LRRC61: variants seen among roughly 807,000 people sequenced by gnomAD.
The protein encoded by LRRC61 is leucine-rich repeat-containing protein 61.
A neutral mutation model predicts 15.1 loss-of-function variants in LRRC61; 9 were observed. The observed-to-expected ratio is 0.60, with a 90% CI of 0.36 to 1.04. The LOEUF (loss-of-function observed/expected upper bound fraction) is 1.04. Ranked by LOEUF, LRRC61 falls within the 50% of genes least tolerant of loss-of-function variation. The pLI is 0.01. For synonymous variants in LRRC61, 173 were observed against 158.6 expected (o/e 1.09, Z -0.68); for missense variants, 344 against 335.6 (o/e 1.03, Z -0.20).
At chr7:150,328,963 C>T (rs879400950) in intron 2 of LRRC61, among the ~76,000 whole-genome samples, 3 of 152,152 alleles carry the variant, frequency 2.0e-5, no homozygotes, top group Admixed American at 6.5e-5. Flanking sequence ...CTCACCTAAC[C>T]GTGGTGTCCC....
rs1405155626 is a variant in LRRC61 at position 150,323,473 on chromosome 7, C to T, written c.-402C>T. On this transcript the variant is annotated 5_prime_UTR_variant, in exon 1 of 3. Transcript: ENST00000359623. The stretch of plus-strand genomic sequence containing the variant: ...CGGCGGGGCTGCGGCTCTTACCTGC[C>T]GAGGAGGCGCCGGCTCTGCGGTGCG... 3 of 406,622 alleles carry T rather than the reference C, an allele frequency of 7.4e-6. No homozygotes were observed. Among genetic ancestry groups the T allele is most frequent in the Admixed American group, 5.7e-5 (2 of 34,864 alleles). The allele number at this position is 406,622 out of a possible 1,614,324, so 25.2% of individuals were successfully genotyped here. A position where few individuals can be genotyped will look rare whatever the true frequency, so the allele number is the denominator to read the frequency against.
rs374782170 is a variant in LRRC61, at chr7:150,337,250, G to A, written c.389G>A (p.Arg130Gln). The A allele has an allele frequency of 2.9e-5, 47 of 1,603,842 alleles. No individual in the cohort carries two copies. The highest frequency in any genetic ancestry group is 5.3e-5 in the African/African-American group (4 of 75,032). Residue 130 changes from arginine (R) to glutamine (Q), a missense_variant, in exon 3 of 3, where the codon CGA (arginine) becomes CAA (glutamine). Transcript: ENST00000359623. ...GLPCLEYLRL[R>Q]DPLARLSNPL... ...CCGTGCCTGGAGTACCTGCGGCTCC[G>A]AGACCCTTTGGCCCGGCTCAGCAAC...
chr7:150,334,937 G>T lies in LRRC61; in HGVS notation c.-144-1781G>T, dbSNP rs190122169. ...CTTGGGAGGCTGAGGCAGGAGAATC[G>T]CTTGAACCCAGGAGGCGGAGGTTGC... On this transcript the variant is annotated intron_variant, in intron 2 of 2. Coordinates refer to ENST00000359623, the MANE Select transcript of LRRC61 (RefSeq NM_001142928.2). Among the ~76,000 whole-genome samples the T allele has an allele frequency of 2.0e-5, 3 of 151,692 alleles. 1 individual carries two copies. The highest frequency in any genetic ancestry group is 4.2e-4 in the South Asian group (2 of 4,816).
At position 150,336,838 on chromosome 7, in the gene LRRC61, G is replaced by T. The variant is rs1253237008; in HGVS notation, c.-24G>T. The T allele has an allele frequency of 1.3e-6, 2 of 1,582,518 alleles. No individual in the cohort carries two copies. The highest frequency in any genetic ancestry group is 1.7e-6 in the Non-Finnish European group (2 of 1,162,750). On this transcript the variant is annotated 5_prime_UTR_variant, in exon 3 of 3. Coordinates refer to ENST00000359623, the MANE Select transcript of LRRC61 (RefSeq NM_001142928.2). ...CTGTGACAGTCCTGCCAGGGCCCAG[G>T]CCATCCCAACCGACTTCCATCTCAT...
At position 150,336,831 on chromosome 7, in the gene LRRC61, G is replaced by A; in HGVS notation, c.-31G>A. The A allele has an allele frequency of 6.4e-7, 1 of 1,573,604 alleles. No homozygotes were observed. Among genetic ancestry groups the A allele is most frequent in the Non-Finnish European group, 8.6e-7 (1 of 1,157,844 alleles). ...TGGAACCCTGTGACAGTCCTGCCAGGGCCCAGGCCATCCCAACCGACTTCC... is the reference window on the plus strand; with the variant it reads ...TGGAACCCTGTGACAGTCCTGCCAGAGCCCAGGCCATCCCAACCGACTTCC... On this transcript the variant is annotated 5_prime_UTR_variant, in exon 3 of 3. Transcript: ENST00000359623.
At chr7:150,327,535 C>A (rs972981015) in intron 2 of LRRC61, among the ~76,000 whole-genome samples, 1 of 152,080 alleles carries the variant, frequency 6.6e-6, no homozygotes, top group Admixed American at 6.6e-5. Flanking sequence ...GTTCTTGCAC[C>A]GGGCCGGGCG....
upstream of LRRC61, among the ~76,000 whole-genome samples, chr7:150,319,205 CTTTT>C (rs199647156): frequency 3.6e-5 from 5 of 140,726 alleles, no homozygotes; most frequent in Admixed American, 1.4e-4. Flanking sequence ...ATTGCTTCTT[CTTTT>C]TTTTTTTTTT....
the LRRC61 span, among the ~76,000 whole-genome samples, chr7:150,311,527 T>C: frequency 6.6e-6 from 1 of 152,336 alleles, no homozygotes; most frequent in East Asian, 1.9e-4. Context: ...TATTCACTCT[T>C]TATTGAAACC....
chr7:150,330,963 AC>A lies in LRRC61; in HGVS notation c.-145+4955del. 1 of 1,611,992 alleles carries A rather than the reference AC, an allele frequency of 6.2e-7. No individual in the cohort carries two copies. Among genetic ancestry groups the A allele is most frequent in the Non-Finnish European group, 8.5e-7 (1 of 1,179,954 alleles). On this transcript the variant is annotated intron_variant, in intron 2 of 2. Transcript: ENST00000359623. This position sits in a 1 kb window ranked among gnomAD's most constrained non-coding sequence, Gnocchi z 4.6. ...TGAGAGAAGCGGGGGCTCGCTGTCC[AC>A]CAAGAGCCACTGGGCCAGCATCATT...
At chr7:150,310,112 G>A in the LRRC61 span, among the ~76,000 whole-genome samples, 1 of 152,002 alleles carries the variant, frequency 6.6e-6, no homozygotes, top group South Asian at 2.1e-4. Context: ...CCCTTATTAG[G>A]CTGAGACATT....
the LRRC61 span, among the ~76,000 whole-genome samples, chr7:150,313,860 TGGAAAGC>T: frequency 3.9e-5 from 6 of 152,192 alleles, no homozygotes; most frequent in African/African-American, 1.2e-4. Context: ...GCCTGGAGCC[TGGAAAGC>T]TAAAAACAAC....
upstream of LRRC61, among the ~76,000 whole-genome samples, chr7:150,322,336 G>A (rs1346900130): frequency 6.6e-6 from 1 of 152,244 alleles, no homozygotes; most frequent in African/African-American, 2.4e-5. Flanking sequence ...ACAAGATACA[G>A]GTCATACAGA....
At chr7:150,326,472 C>G (rs1193616170) in intron 2 of LRRC61, among the ~76,000 whole-genome samples, 1 of 152,004 alleles carries the variant, frequency 6.6e-6, no homozygotes, top group African/African-American at 2.4e-5. Flanking sequence ...TGCTTGATCC[C>G]AGGAGTTCAA....
chr7:150,328,478 G>A (rs4554381), intron 2 of LRRC61, among the ~76,000 whole-genome samples: 45,024 of 152,122 alleles, frequency 0.3, 7,008 homozygotes, highest in East Asian at 0.42. Flanking sequence ...AGTCCAGACA[G>A]ATACAGGAAC....
chr7:150,315,177 G>A, the LRRC61 span, among the ~76,000 whole-genome samples: 3 of 149,800 alleles, frequency 2.0e-5, no homozygotes, highest in African/African-American at 7.3e-5. Flanking sequence ...AAGTGATGAA[G>A]TAGGCAAAGA....
At chr7:150,323,614 C>T (rs1187880029) in intron 1 of LRRC61, 54 bp downstream of exon 1, 2 of 453,824 alleles carry the variant, frequency 4.4e-6, no homozygotes, top group East Asian at 7.0e-5. Flanking sequence ...TGTCGGGGCC[C>T]GTGCCGGCCC....
rs1798196950 is a variant in LRRC61, at chr7:150,333,940, C to T, written c.-144-2778C>T. On this transcript the variant is annotated intron_variant, in intron 2 of 2. Transcript: ENST00000359623. The surrounding 1 kb of genome is among the most constrained non-coding windows in gnomAD (Gnocchi z 4.3). ...CCAAGAGAATGAGGGTTATGCACGA[C>T]CCATCACCAAGACCCAGGCCTGCAT... is the stretch of plus-strand genomic sequence containing the variant. 3 of 985,158 alleles carry T rather than the reference C, an allele frequency of 3.0e-6. No homozygotes were observed. In the Admixed American group the frequency reaches 1.8e-4, roughly 61 times the overall value. The allele number at this position is 985,158 out of a possible 1,614,324, so 61.0% of individuals were successfully genotyped here. A position where few individuals can be genotyped will look rare whatever the true frequency, so the allele number is the denominator to read the frequency against.
chr7:150,324,261 G>C (rs1464753), intron 1 of LRRC61: 39,175 of 153,764 alleles, frequency 0.25, 5,192 homozygotes, highest in East Asian at 0.41. Context: ...TGCAGTGCTG[G>C]AGTTGAGAGC....
At chr7:150,317,136 C>G in the LRRC61 span, among the ~76,000 whole-genome samples, 1 of 152,104 alleles carries the variant, frequency 6.6e-6, no homozygotes, top group Non-Finnish European at 1.5e-5. Context: ...ACTGCAACCT[C>G]TGCCTTCTGG....
Sources: allele counts gnomAD v4.1 joint callset (sites outside exome capture counted in the v4.1 genomes callset), GRCh38; gene constraint gnomAD v4.1.1; non-coding constraint Gnocchi (gnomAD v3.1); transcripts MANE v1.5; gene names NCBI Gene and HGNC (gene_info 2026-07-23, HGNC 2026-07-21).